PCDHA8: variants seen among roughly 807,000 people sequenced by gnomAD.
PCDHA8 encodes the protein protocadherin alpha-8.
PCDHA8 carries 53 observed loss-of-function variants against 61.8 expected under a neutral mutation model. The observed-to-expected ratio is 0.86, with a 90% CI of 0.69 to 1.08. PCDHA8 has a LOEUF of 1.08. PCDHA8 is among the 50% of genes least tolerant of loss of function. The pLI, the probability that PCDHA8 is intolerant of heterozygous loss-of-function variation, is 0.00. For synonymous variants in PCDHA8, 618 were observed against 556.6 expected (o/e 1.11, Z -1.55); for missense variants, 1,293 against 1,245.0 (o/e 1.04, Z -0.58).
chr5:140,857,665 G>C, intron 1 of PCDHA8: 1 of 1,596,910 alleles, frequency 6.3e-7, no homozygotes, highest in East Asian at 2.2e-5. Flanking sequence ...CGCGCGATGG[G>C]GGCGTGCCGC....
At chr5:140,928,374 C>A in intron 1 of PCDHA8, 1 of 1,614,172 alleles carries the variant, frequency 6.2e-7, no homozygotes, top group Non-Finnish European at 8.5e-7. Context: ...GGCCATCAGC[C>A]TCTAGCTTGC....
rs1777718972 is a variant in PCDHA8, at chr5:140,842,125, T to C, written c.804T>C (p.Asp268=). Residue 268 remains aspartate, a synonymous_variant, in exon 1 of 4, where the codon GAT becomes GAC. Coordinates refer to ENST00000531613, the MANE Select transcript of PCDHA8 (RefSeq NM_018911.3). ...GTTVIKLNAS[D]PDEGANGAIS... Reference sequence around the variant, plus strand: ...CAGTTATCAAACTGAATGCTTCTGATCCGGATGAAGGAGCCAATGGGGCAA... The same window carrying C: ...CAGTTATCAAACTGAATGCTTCTGACCCGGATGAAGGAGCCAATGGGGCAA... The C allele has an allele frequency of 6.2e-7, 1 of 1,613,772 alleles. No individual in the cohort carries two copies. Among genetic ancestry groups the C allele is most frequent in the Non-Finnish European group, 8.5e-7 (1 of 1,179,864 alleles).
intron 1 of PCDHA8, among the ~76,000 whole-genome samples, chr5:140,879,850 T>C (rs935829286): frequency 3.3e-5 from 5 of 152,230 alleles, no homozygotes; most frequent in Non-Finnish European, 5.9e-5. Flanking sequence ...CACTCCCATC[T>C]CAGCCTTCTC....
chr5:140,868,901 C>T lies in PCDHA8; in HGVS notation c.2394+25186C>T, dbSNP rs1408967625. 6 of 828,816 alleles carry T rather than the reference C, an allele frequency of 7.2e-6. No homozygotes were observed. In the African/African-American group the frequency reaches 1.0e-4, roughly 14 times the overall value. The allele number at this position is 828,816 out of a possible 1,614,324, so 51.3% of individuals were successfully genotyped here. ...TCACAGTTTTAGGCGCAAGGTGTCG[C>T]TCTTTACTTGGTGGAAAGTTCATTT... On this transcript the variant is annotated intron_variant, in intron 1 of 3. Transcript: ENST00000531613.
intron 1 of PCDHA8, chr5:140,848,572 T>C: frequency 3.1e-6 from 5 of 1,595,304 alleles, no homozygotes; most frequent in African/African-American, 1.3e-5. Context: ...ATGTGGGTGG[T>C]GGGGAGCGGC....
intron 1 of PCDHA8, among the ~76,000 whole-genome samples, chr5:140,923,187 T>C (rs1554201249): frequency 1.3e-5 from 2 of 152,192 alleles, no homozygotes; most frequent in African/African-American, 4.8e-5. Flanking sequence ...ATGCATCTAC[T>C]GCAGCAATTT....
At chr5:140,912,694 G>A (rs1328426442) in intron 1 of PCDHA8, among the ~76,000 whole-genome samples, 1 of 152,090 alleles carries the variant, frequency 6.6e-6, no homozygotes, top group Non-Finnish European at 1.5e-5. Flanking sequence ...GGTCTCAGGG[G>A]GAATGCTTTC....
At chr5:140,877,276 G>T (rs1038142877) in intron 1 of PCDHA8, 4 of 1,613,744 alleles carry the variant, frequency 2.5e-6, no homozygotes, top group Admixed American at 1.7e-5. Flanking sequence ...CGCTGACTCC[G>T]GCTATAACGC....
chr5:140,855,032 A>AT (rs2043313669), intron 1 of PCDHA8, among the ~76,000 whole-genome samples: 1 of 149,732 alleles, frequency 6.7e-6, no homozygotes, highest in Non-Finnish European at 1.5e-5. Flanking sequence ...TGTATAAAGG[A>AT]TTTTTCTGTA....
intron 1 of PCDHA8, chr5:140,884,394 G>A (rs2060142596): frequency 3.7e-6 from 6 of 1,613,880 alleles, no homozygotes; most frequent in East Asian, 2.2e-5. Flanking sequence ...GCGGTGTCCA[G>A]CCTGTTGGTG....
At chr5:140,876,597 G>A in intron 1 of PCDHA8, 1 of 1,614,160 alleles carries the variant, frequency 6.2e-7, no homozygotes, top group Non-Finnish European at 8.5e-7. Flanking sequence ...TTAGCGTGTC[G>A]GATCGTGACT....
intron 1 of PCDHA8, chr5:140,928,706 A>T: frequency 6.2e-7 from 1 of 1,613,858 alleles, no homozygotes; most frequent in Non-Finnish European, 8.5e-7. Flanking sequence ...CGGGCGTCTG[A>T]CTCTAGTCTC....
At chr5:140,917,665 T>C (rs1174470921) in intron 1 of PCDHA8, among the ~76,000 whole-genome samples, 4 of 152,220 alleles carry the variant, frequency 2.6e-5, no homozygotes, top group African/African-American at 9.6e-5. Flanking sequence ...AGGAAGTCCT[T>C]TCTCCATTGC....
intron 1 of PCDHA8, among the ~76,000 whole-genome samples, chr5:140,844,013 C>A (rs1015377164): frequency 2.0e-5 from 3 of 149,622 alleles, no homozygotes; most frequent in Non-Finnish European, 3.0e-5. Flanking sequence ...ACTCTAAGGA[C>A]GTTCAGGGCA....
At chr5:140,967,845 A>G in intron 1 of PCDHA8, 3 of 1,614,160 alleles carry the variant, frequency 1.9e-6, no homozygotes, top group Non-Finnish European at 2.5e-6. Flanking sequence ...GACGTGAATG[A>G]CAATGCCCCA....
chr5:140,967,104 A>T (rs374744732), intron 1 of PCDHA8: 3 of 1,613,028 alleles, frequency 1.9e-6, no homozygotes, highest in Non-Finnish European at 2.5e-6. Context: ...CTGTGTGAGC[A>T]GCGGCCTCGC....
intron 1 of PCDHA8, among the ~76,000 whole-genome samples, chr5:140,962,688 G>C (rs1433931568): frequency 2.0e-5 from 3 of 152,164 alleles, no homozygotes; most frequent in African/African-American, 7.2e-5. Context: ...TGTTTTATCT[G>C]TAAATAATGC....
intron 1 of PCDHA8, chr5:140,928,865 A>G: frequency 6.2e-7 from 1 of 1,614,072 alleles, no homozygotes; most frequent in Non-Finnish European, 8.5e-7. Flanking sequence ...CTGTTGAGCA[A>G]CTCTGTCCCT....
chr5:140,854,159 CA>C (rs59855104), intron 1 of PCDHA8: 9,606 of 340,020 alleles, frequency 0.028, 6 homozygotes, highest in Non-Finnish European at 0.032. Context: ...GATTCTGTCT[CA>C]AAAAAAAAAA....
Sources: allele counts gnomAD v4.1 joint callset (sites outside exome capture counted in the v4.1 genomes callset), GRCh38; gene constraint gnomAD v4.1.1; transcripts MANE v1.5; gene names NCBI Gene and HGNC (gene_info 2026-07-23, HGNC 2026-07-21).